Variants in FAM118A observed in about 807,000 individuals in gnomAD.
FAM118A encodes the protein SIR2 antiphage like 2.
A neutral mutation model predicts 38.2 loss-of-function variants in FAM118A; 25 were observed. The observed-to-expected ratio is 0.65, with a 90% confidence interval of 0.48 to 0.91. The LOEUF (loss-of-function observed/expected upper bound fraction) is 0.91. Ranked by LOEUF, FAM118A falls within the 40% of genes least tolerant of loss-of-function variation. The pLI is 0.00. For missense variants in FAM118A, 425 were observed against 463.3 expected (o/e 0.92, Z 0.76); for synonymous variants, 178 against 184.1 (o/e 0.97, Z 0.27).
chr22:45,329,452 C>G (rs185307415), intron 4 of FAM118A: 118 of 152,338 alleles, frequency 7.7e-4, no homozygotes, highest in African/African-American at 2.7e-3. Flanking sequence ...ACATTGATTT[C>G]TTGTGTTACT....
chr22:45,332,794 T>C (rs1283122582), intron 6 of FAM118A, 84 bp downstream of exon 6: 13 of 1,402,446 alleles, frequency 9.3e-6, no homozygotes, highest in Non-Finnish European at 1.1e-5. Flanking sequence ...TTGCCCAGGC[T>C]GGAGTGCAAT....
chr22:45,318,372 C>G (rs2084700551), intron 1 of FAM118A: 1 of 152,220 alleles, frequency 6.6e-6, no homozygotes, highest in African/African-American at 2.4e-5. Context: ...GACATAGTCA[C>G]TAAGGAAACC....
chr22:45,315,522 T>C (rs1244828460), intron 1 of FAM118A, among the ~76,000 whole-genome samples: 1 of 152,202 alleles, frequency 6.6e-6, no homozygotes, highest in African/African-American at 2.4e-5. Flanking sequence ...CTTTATTAAG[T>C]GCCTTTCAGA....
Position 45,324,208 on chromosome 22 carries a change from T to G in FAM118A, c.300+781T>G, listed in dbSNP as rs547095675. ...TTGAGGTTGGCTGTGAAAGGAGACC[T>G]TAAACCACATGGCTTCATGTGAGCA... On this transcript the variant is annotated intron_variant, in intron 3 of 8. Transcript: ENST00000441876. Among the ~76,000 whole-genome samples, 11 of 152,302 alleles carry G rather than the reference T, an allele frequency of 7.2e-5. No individual in the cohort carries two copies. In the East Asian group the frequency reaches 2.1e-3, roughly 29 times the overall value.
In FAM118A at chr22:45,311,435, G is replaced by C. The variant is rs2084361073; in HGVS notation, c.-10+1252G>C. On this transcript the variant is annotated intron_variant, in intron 1 of 8. Transcript: ENST00000441876. Reference sequence around the variant, plus strand: ...TTGTCCTGAGAAATGATCCAGCTGAGCTGAAGGAAGGTGGGAGGTGGTCAG... The same window carrying C: ...TTGTCCTGAGAAATGATCCAGCTGACCTGAAGGAAGGTGGGAGGTGGTCAG... Among the ~76,000 whole-genome samples the C allele has an allele frequency of 2.6e-5, 4 of 152,316 alleles. No homozygotes were observed. The South Asian group carries it at 8.3e-4, about 32-fold the overall frequency.
chr22:45,322,202 G>A, intron 1 of FAM118A, 169 bp from the exon 2 acceptor site: 1 of 1,527,722 alleles, frequency 6.5e-7, no homozygotes, highest in Non-Finnish European at 8.8e-7. Flanking sequence ...GGTGGCTTAG[G>A]AAGCATTTTG....
At chr22:45,328,524 G>T in intron 4 of FAM118A, 1 of 747,200 alleles carries the variant, frequency 1.3e-6, no homozygotes, top group Admixed American at 1.9e-5. Flanking sequence ...CCCCGCTACT[G>T]GGGAGGCCGA....
chr22:45,322,354 C>T lies in FAM118A; in HGVS notation c.-9-17C>T. ...CCTGGGAGACAGAAGTCACTTCTGA[C>T]TAATTTTTCTCTTTAGAATTCACAG... is the stretch of plus-strand genomic sequence containing the variant. On this transcript the variant is annotated splice_polypyrimidine_tract_variant and intron_variant, in intron 1 of 8. Coordinates refer to ENST00000441876, the MANE Select transcript of FAM118A (RefSeq NM_017911.4). The T allele has an allele frequency of 6.2e-7, 1 of 1,605,894 alleles. No individual in the cohort carries two copies.
At chr22:45,334,532 T>C (rs2085950716) in intron 6 of FAM118A, among the ~76,000 whole-genome samples, 2 of 152,326 alleles carry the variant, frequency 1.3e-5, no homozygotes, top group African/African-American at 4.8e-5. Flanking sequence ...GGCAACAGCT[T>C]CTTATTAAGG....
rs1021658900 is a variant in FAM118A at position 45,310,007 on chromosome 22, G to GGCTCTC, written c.-176_-171dup. 3 of 152,204 alleles carry GGCTCTC rather than the reference G, an allele frequency of 2.0e-5. No individual in the cohort carries two copies. The highest frequency in any genetic ancestry group is 6.5e-5 in the Admixed American group (1 of 15,278). The allele number at this position is 152,204 out of a possible 1,614,324, so 9.4% of individuals were successfully genotyped here. A position where few individuals can be genotyped will look rare whatever the true frequency, so the allele number is the denominator to read the frequency against. ...TGGCGTCCGCTCTGGCTCCGACTCC[G>GGCTCTC]GCTCTCGCTCTCGCTTCTAGCCCGC... On this transcript the variant is annotated 5_prime_UTR_variant, in exon 1 of 9. Transcript: ENST00000441876.
chr22:45,323,467 C>T (rs373111536), intron 3 of FAM118A, 40 bp downstream of exon 3: 137 of 1,597,738 alleles, frequency 8.6e-5, no homozygotes, highest in Non-Finnish European at 1.1e-4. Flanking sequence ...CAGCTTGGTT[C>T]TGCAGCAGGT....
intron 1 of FAM118A, among the ~76,000 whole-genome samples, chr22:45,311,710 GT>G (rs1400455871): frequency 1.3e-5 from 2 of 152,122 alleles, no homozygotes; most frequent in Non-Finnish European, 2.9e-5. Context: ...TGTGGCTGTG[GT>G]GGGGAGACTT....
chr22:45,329,812 C>T (rs979701559), intron 4 of FAM118A: 1 of 152,274 alleles, frequency 6.6e-6, no homozygotes, highest in Non-Finnish European at 1.5e-5. Flanking sequence ...ACAGAACTGC[C>T]AGCTGGCTCA....
At chr22:45,333,565 T>C (rs1431172958) in intron 6 of FAM118A, among the ~76,000 whole-genome samples, 1 of 151,026 alleles carries the variant, frequency 6.6e-6, no homozygotes, top group Non-Finnish European at 1.5e-5. Context: ...TCCCAGCTAC[T>C]CAGGAGGCTG....
At chr22:45,309,701 T>TC (rs996004912), upstream of FAM118A, 1 of 152,064 alleles carries the variant, frequency 6.6e-6, no homozygotes, top group African/African-American at 2.4e-5. Flanking sequence ...GCGCAAGCCC[T>TC]CCCCCGCACA....
intron 8 of FAM118A, among the ~76,000 whole-genome samples, 167 bp downstream of exon 8, chr22:45,336,578 G>A (rs2086114161): frequency 6.6e-6 from 1 of 152,172 alleles, no homozygotes; most frequent in Admixed American, 6.5e-5. Flanking sequence ...CAGAGACCCT[G>A]ACCTCTCACC....
chr22:45,322,214 A>T (rs2084920163), intron 1 of FAM118A, 157 bp from the exon 2 acceptor site: 1 of 1,534,288 alleles, frequency 6.5e-7, no homozygotes. Context: ...AGCATTTTGG[A>T]TGTACGTCAT....
At chr22:45,323,938 C>G (rs1038785230) in intron 3 of FAM118A, among the ~76,000 whole-genome samples, 7 of 152,214 alleles carry the variant, frequency 4.6e-5, no homozygotes, top group African/African-American at 1.7e-4. Flanking sequence ...GCCGATGGGT[C>G]TGGTGCAGGG....
At chr22:45,311,622 GT>G (rs1054609740) in intron 1 of FAM118A, among the ~76,000 whole-genome samples, 2 of 152,156 alleles carry the variant, frequency 1.3e-5, no homozygotes, top group African/African-American at 4.8e-5. Flanking sequence ...GGAGGGTTTG[GT>G]ACTTAAAGGG....
Sources: gnomAD v4.1 joint callset for allele counts (sites outside exome capture counted in the v4.1 genomes callset) on GRCh38, gnomAD v4.1.1 for gene constraint, MANE v1.5 for transcripts, NCBI Gene and HGNC (gene_info 2026-07-23, HGNC 2026-07-21) for gene names.